The following IGF1 variants were observed in gnomAD, a reference collection of about 807,000 sequenced individuals.
IGF1 encodes insulin like growth factor 1.
IGF1 carries 4 observed loss-of-function variants against 13.8 expected under a neutral mutation model. That is an observed-to-expected ratio of 0.29 (90% CI 0.14 to 0.66). The LOEUF (loss-of-function observed/expected upper bound fraction) is 0.66. Ranked by LOEUF, IGF1 falls within the 30% of genes least tolerant of loss-of-function variation. The pLI, the probability that IGF1 is intolerant of heterozygous loss-of-function variation, is 0.78. For missense variants in IGF1, 124 were observed against 188.5 expected, an observed-to-expected ratio of 0.66 and a Z score of 2.00; for synonymous variants, 76 against 72.6, an observed-to-expected ratio of 1.05 and a Z score of -0.23.
At chr12:102,428,896 G>A (rs888249755) in intron 2 of IGF1, among the ~76,000 whole-genome samples, 3 of 152,104 alleles carry the variant, frequency 2.0e-5, no homozygotes, top group South Asian at 2.1e-4. Context: ...ATGTCTAGCC[G>A]TAACTACATG....
chr12:102,415,564 T>TTCCTTCCG (rs1565966776), intron 3 of IGF1: 2 of 140,996 alleles, frequency 1.4e-5, no homozygotes, highest in African/African-American at 5.3e-5. Context: ...CCTTCCTTCC[T>TTCCTTCCG]TCCTTCCTTC....
At chr12:102,438,304 C>T (rs1456766945) in intron 2 of IGF1, among the ~76,000 whole-genome samples, 3 of 152,220 alleles carry the variant, frequency 2.0e-5, no homozygotes, top group Non-Finnish European at 4.4e-5. Context: ...GATTTGGAAT[C>T]ACATCCCAAA....
intron 1 of IGF1, among the ~76,000 whole-genome samples, chr12:102,477,216 C>T (rs1444524861): frequency 6.6e-6 from 1 of 151,160 alleles, no homozygotes; most frequent in East Asian, 1.9e-4. Context: ...AAATTTTCCC[C>T]ATCATTCTAA....
chr12:102,398,038 G>C lies in IGF1; in HGVS notation c.*4469C>G, dbSNP rs895311879. The C allele has an allele frequency of 2.2e-4, 28 of 129,400 alleles. No homozygotes were observed. Among genetic ancestry groups the C allele is most frequent in the South Asian group, 1.2e-3 (5 of 4,036 alleles). The allele number at this position is 129,400 out of a possible 1,614,324, so 8.0% of individuals were successfully genotyped here. On this transcript the variant is annotated 3_prime_UTR_variant, in exon 4 of 4. Transcript: ENST00000337514. ...ATTCTGATATAAAAAAAGAAGAAAA[G>C]AACCAAGTCATTTTGAACATTAAGA...
chr12:102,417,469 A>C, intron 3 of IGF1: 1 of 822,558 alleles, frequency 1.2e-6, no homozygotes, highest in Non-Finnish European at 1.5e-6. Flanking sequence ...ACAAAATTTA[A>C]AAATGCATAT....
rs1356008474 is a variant in IGF1, at chr12:102,480,415, G to T, written c.-34C>A. On this transcript the variant is annotated 5_prime_UTR_variant, in exon 1 of 4. Coordinates refer to ENST00000337514, the MANE Select transcript of IGF1 (RefSeq NM_000618.5). ...AAGTACAAAGTCTGAAAATGAATTG[G>T]TTAGCAGGAATAATGAAGCAAAAAG... The T allele has an allele frequency of 1.2e-6, 2 of 1,612,922 alleles. No homozygotes were observed. The highest frequency in any genetic ancestry group is 1.7e-6 in the Non-Finnish European group (2 of 1,179,444).
At position 102,398,892 on chromosome 12, in the gene IGF1, A is replaced by G. The variant is rs886048877; in HGVS notation, c.*3615T>C. 1 of 152,474 alleles carries G rather than the reference A, an allele frequency of 6.6e-6. No homozygotes were observed. The highest frequency in any genetic ancestry group is 1.5e-5 in the Non-Finnish European group (1 of 68,002). The allele number at this position is 152,474 out of a possible 1,614,324, so 9.4% of individuals were successfully genotyped here. A position where few individuals can be genotyped will look rare whatever the true frequency, so the allele number is the denominator to read the frequency against. On this transcript the variant is annotated 3_prime_UTR_variant, in exon 4 of 4. Transcript: ENST00000337514. ...TAAATGGGAAAGCAAAATGTGCTAC[A>G]TCTTTTATTCTAAGCCTTCTCCCAA...
intron 2 of IGF1, among the ~76,000 whole-genome samples, chr12:102,469,216 C>T (rs1249704536): frequency 1.3e-5 from 2 of 152,212 alleles, no homozygotes; most frequent in Admixed American, 1.3e-4. Context: ...ATTATGGTGT[C>T]TGTGACCACC....
chr12:102,396,138 AT>A lies in IGF1; in HGVS notation c.*6368del, dbSNP rs1172736105. On this transcript the variant is annotated 3_prime_UTR_variant, in exon 4 of 4. Transcript: ENST00000337514. ...CAGATGTAACGAATGGCCAGTCATTATTTTCTGGTTTCAAAGTAGCAGGGGA... is the reference window on the plus strand; with the variant it reads ...CAGATGTAACGAATGGCCAGTCATTATTTCTGGTTTCAAAGTAGCAGGGGA... 1 of 152,092 alleles carries A rather than the reference AT, an allele frequency of 6.6e-6. No homozygotes were observed. Among genetic ancestry groups the A allele is most frequent in the Non-Finnish European group, 1.5e-5 (1 of 68,000 alleles). 9.4% of individuals were successfully genotyped at this position (152,092 alleles called of 1,614,324 possible).
intron 2 of IGF1, among the ~76,000 whole-genome samples, chr12:102,433,456 C>A (rs1876926181): frequency 6.6e-6 from 1 of 152,194 alleles, no homozygotes; most frequent in African/African-American, 2.4e-5. Context: ...TCTAGCAACA[C>A]AAAATTTCTT....
At position 102,416,277 on chromosome 12, in the gene IGF1, A is replaced by T. The variant is rs17882016; in HGVS notation, c.402+3232T>A. ...CTTGTACCCTTTCTCAGCTCTTCTA[A>T]TTCACAACTTGGAGGATGGCGAGAG... On this transcript the variant is annotated intron_variant, in intron 3 of 3. Transcript: ENST00000337514. Among the ~76,000 whole-genome samples the T allele has an allele frequency of 1.9e-3, 285 of 152,324 alleles. 4 individuals are homozygous for T. Among genetic ancestry groups the T allele is most frequent in the African/African-American group, 6.4e-3 (268 of 41,574 alleles).
upstream of IGF1, chr12:102,480,685 C>CT (rs747445734): frequency 3.8e-6 from 4 of 1,043,242 alleles, no homozygotes; most frequent in Non-Finnish European, 5.1e-6. Flanking sequence ...TGAGTAAGGA[C>CT]TTTTTTGGGC....
chr12:102,421,871 T>C (rs945699689), intron 2 of IGF1, among the ~76,000 whole-genome samples: 3 of 152,198 alleles, frequency 2.0e-5, no homozygotes, highest in Admixed American at 1.3e-4. Flanking sequence ...GAGCTCCTTG[T>C]CTGCTATAAG....
At chr12:102,402,708 AG>A in intron 3 of IGF1, 142 bp from the exon 4 acceptor site, 1 of 706,408 alleles carries the variant, frequency 1.4e-6, no homozygotes, top group Non-Finnish European at 2.6e-6. Flanking sequence ...TTTCCTGAGA[AG>A]GGCATGTATA....
At chr12:102,467,955 A>G (rs1350737188) in intron 2 of IGF1, among the ~76,000 whole-genome samples, 6 of 152,216 alleles carry the variant, frequency 3.9e-5, no homozygotes, top group Non-Finnish European at 7.3e-5. Context: ...TGTATGGGGT[A>G]AAAGTGCAGT....
intron 2 of IGF1, among the ~76,000 whole-genome samples, chr12:102,444,784 A>G (rs548856205): frequency 6.6e-6 from 1 of 152,236 alleles, no homozygotes; most frequent in Non-Finnish European, 1.5e-5. Flanking sequence ...GCAACCTTCA[A>G]GGAATTTGGG....
rs1356937411 is a variant in IGF1 at position 102,396,990 on chromosome 12, C to T, written c.*5517G>A. The T allele has an allele frequency of 1.0e-5, 4 of 395,902 alleles. No individual in the cohort carries two copies. Among genetic ancestry groups the T allele is most frequent in the Non-Finnish European group, 1.8e-5 (4 of 224,712 alleles). 24.5% of individuals were successfully genotyped at this position (395,902 alleles called of 1,614,324 possible). A position where few individuals can be genotyped will look rare whatever the true frequency, so the allele number is the denominator to read the frequency against. On this transcript the variant is annotated 3_prime_UTR_variant, in exon 4 of 4. Transcript: ENST00000337514. ...GGCTGAGGCGGGCAAATCACAAGGT[C>T]AGGAGTTTGAGACCAACCTGGCCAA... is the stretch of plus-strand genomic sequence containing the variant.
At chr12:102,474,955 C>T (rs1280532188) in intron 2 of IGF1, among the ~76,000 whole-genome samples, 3 of 152,074 alleles carry the variant, frequency 2.0e-5, no homozygotes, top group Admixed American at 1.3e-4. Flanking sequence ...TTGTCAGAGA[C>T]CCTTTTCCAG....
At position 102,397,147 on chromosome 12, in the gene IGF1, A is replaced by G. The variant is rs1371326898; in HGVS notation, c.*5360T>C. Reference sequence around the variant, plus strand: ...AACCCAGGAGGTGGAGGTTGCAGTGAGCCGAGATCATGCCACTGCACTCCA... The same window carrying G: ...AACCCAGGAGGTGGAGGTTGCAGTGGGCCGAGATCATGCCACTGCACTCCA... On this transcript the variant is annotated 3_prime_UTR_variant, in exon 4 of 4. Transcript: ENST00000337514. 7.5e-6 allele frequency: 2 copies of G among 267,548 alleles called. No homozygotes were observed. Among genetic ancestry groups the G allele is most frequent in the East Asian group, 1.3e-4 (2 of 15,658 alleles). 16.6% of individuals were successfully genotyped at this position (267,548 alleles called of 1,614,324 possible). A position where few individuals can be genotyped will look rare whatever the true frequency, so the allele number is the denominator to read the frequency against.
Sources: allele counts gnomAD v4.1 joint callset (sites outside exome capture counted in the v4.1 genomes callset), GRCh38; gene constraint gnomAD v4.1.1; transcripts MANE v1.5; gene names NCBI Gene and HGNC (gene_info 2026-07-23, HGNC 2026-07-21).